NLRP14: variants seen among roughly 807,000 people sequenced by gnomAD.
The protein encoded by NLRP14 is NLR family pyrin domain containing 14, also known as NACHT, LRR and PYD domains-containing protein 14.
A neutral mutation model predicts 94.7 loss-of-function variants in NLRP14; 105 were observed. The ratio of observed to expected loss-of-function variants is 1.11; its 90% CI spans 0.95 to 1.30. The LOEUF is 1.30. NLRP14 is among the 50% of genes most tolerant of loss of function. The pLI is 0.00. For synonymous variants in NLRP14, 508 were observed against 459.9 expected, an observed-to-expected ratio of 1.10 and a Z score of -1.34; for missense variants, 1,362 against 1,254.1, an observed-to-expected ratio of 1.09 and a Z score of -1.30.
intron 4 of NLRP14, among the ~76,000 whole-genome samples, chr11:7,044,204 C>T (rs965778556): frequency 2.0e-5 from 3 of 151,998 alleles, no homozygotes; most frequent in Non-Finnish European, 4.4e-5. Context: ...CTTTTTTTGG[C>T]CTGAAGGCAA....
At chr11:7,074,338 A>C (rs1852846357), downstream of NLRP14, among the ~76,000 whole-genome samples, 1 of 152,208 alleles carries the variant, frequency 6.6e-6, no homozygotes, top group African/African-American at 2.4e-5. Flanking sequence ...ACTGAGGTTG[A>C]TTCCCAGTGA....
At chr11:7,031,959 C>T (rs1852104779) in intron 1 of NLRP14, among the ~76,000 whole-genome samples, 1 of 152,156 alleles carries the variant, frequency 6.6e-6, no homozygotes, top group East Asian at 1.9e-4. Context: ...CTTTAGCACC[C>T]CCACTCCCTC....
chr11:7,047,766 T>TC (rs1461322561), intron 5 of NLRP14, among the ~76,000 whole-genome samples: 8 of 133,454 alleles, frequency 6.0e-5, no homozygotes, highest in Admixed American at 3.6e-4. Context: ...TTCTTTTCTT[T>TC]TCTTTTTTTT....
chr11:7,057,792 G>C lies in NLRP14; in HGVS notation c.2407G>C (p.Val803Leu), dbSNP rs768144879. Residue 803 changes from valine to leucine, a missense_variant, in exon 7 of 12, where the codon GTG becomes CTG. Transcript: ENST00000299481. ...LSTNNLLDDG[V>L]QLLCEALRHP... ...AACCAATAATCTGTTGGATGATGGA[G>C]TGCAGCTTTTGTGTGAGGCCTTAAG... The C allele has an allele frequency of 6.2e-7, 1 of 1,612,246 alleles. No individual in the cohort carries two copies. The highest frequency in any genetic ancestry group is 8.5e-7 in the Non-Finnish European group (1 of 1,178,440).
chr11:7,072,917 C>T (rs1486606397), downstream of NLRP14, among the ~76,000 whole-genome samples: 1 of 152,080 alleles, frequency 6.6e-6, no homozygotes, highest in Non-Finnish European at 1.5e-5. Context: ...CCAGACTTCT[C>T]TGGGGGCCCT....
downstream of NLRP14, among the ~76,000 whole-genome samples, chr11:7,074,416 AC>A (rs1425933743): frequency 6.6e-6 from 1 of 152,334 alleles, no homozygotes; most frequent in Admixed American, 6.5e-5. Context: ...GAAAGTATAC[AC>A]CAAAGTGGTG....
chr11:7,056,650 A>T (rs1389072845), intron 6 of NLRP14, among the ~76,000 whole-genome samples: 1 of 151,722 alleles, frequency 6.6e-6, no homozygotes, highest in East Asian at 1.9e-4. Flanking sequence ...TTTTTCCTTC[A>T]TAAGTGGGAT....
At chr11:7,089,739 C>T in the NLRP14 span, 6 of 1,548,438 alleles carry the variant, frequency 3.9e-6, no homozygotes, top group African/African-American at 1.4e-5. Context: ...CGACCCCTAC[C>T]TGGGCCCGCG....
chr11:7,043,951 A>C lies in NLRP14; in HGVS notation c.1925A>C (p.Lys642Thr), dbSNP rs986250936. 9.9e-6 allele frequency: 16 copies of C among 1,614,066 alleles called. No individual in the cohort carries two copies. Among genetic ancestry groups the C allele is most frequent in the Non-Finnish European group, 1.4e-5 (16 of 1,180,018 alleles). ...TCTGTAACTGTGGTATTTGAGAAGA[A>C]GATATTAAAAACAAGCCTCCCAACT... is the stretch of plus-strand genomic sequence containing the variant. ...RLSVTVVFEK[K>T]ILKTSLPTNT... The change falls in exon 4 of 12, where the codon AAG becomes ACG. Residue 642 changes from lysine (K) to threonine (T), a missense_variant. By Grantham distance (78) the Lys-to-Thr change is moderately conservative (BLOSUM62 -1). Coordinates refer to ENST00000299481, the MANE Select transcript of NLRP14 (RefSeq NM_176822.4).
At chr11:7,026,847 A>G (rs1207626817) in intron 1 of NLRP14, among the ~76,000 whole-genome samples, 3 of 151,246 alleles carry the variant, frequency 2.0e-5, no homozygotes, top group Non-Finnish European at 4.4e-5. Context: ...GCTTTAGGAG[A>G]TATACCTAAT....
intron 1 of NLRP14, among the ~76,000 whole-genome samples, chr11:7,025,330 C>T (rs1393292800): frequency 6.6e-6 from 1 of 152,040 alleles, no homozygotes; most frequent in Non-Finnish European, 1.5e-5. Context: ...TCATCTCTCC[C>T]TAATGTAGTG....
downstream of NLRP14, among the ~76,000 whole-genome samples, chr11:7,073,854 C>T (rs1411662191): frequency 6.6e-6 from 1 of 152,190 alleles, no homozygotes; most frequent in Non-Finnish European, 1.5e-5. Flanking sequence ...AGGGAGCTCT[C>T]TGAATCCCAT....
In NLRP14 at chr11:7,070,642, T is replaced by C. The variant is rs1016764511; in HGVS notation, c.3146+186T>C. On this transcript the variant is annotated intron_variant, in intron 11 of 11. Coordinates refer to ENST00000299481, the MANE Select transcript of NLRP14 (RefSeq NM_176822.4). Reference sequence around the variant, plus strand: ...TACAATATAGCATAGTGGTTAAATATTGAGCACCCTGGAACCAGCCTAGAT... The same window carrying C: ...TACAATATAGCATAGTGGTTAAATACTGAGCACCCTGGAACCAGCCTAGAT... 2.6e-5 allele frequency among the ~76,000 whole-genome samples: 4 copies of C among 152,152 alleles called. No homozygotes were observed. In the East Asian group the frequency reaches 7.7e-4, roughly 29 times the overall value.
At chr11:7,082,137 G>A in the NLRP14 span, among the ~76,000 whole-genome samples, 11 of 152,112 alleles carry the variant, frequency 7.2e-5, no homozygotes, top group African/African-American at 2.7e-4. Context: ...ATATATTTTT[G>A]TTACATCACA....
At chr11:7,069,882 C>T (rs1295692317) in intron 10 of NLRP14, among the ~76,000 whole-genome samples, 1 of 152,172 alleles carries the variant, frequency 6.6e-6, no homozygotes, top group Non-Finnish European at 1.5e-5. Flanking sequence ...CCACCTCAGC[C>T]TCCCAAAGTT....
the NLRP14 span, among the ~76,000 whole-genome samples, chr11:7,087,737 A>C: frequency 2.0e-5 from 3 of 152,212 alleles, no homozygotes; most frequent in Non-Finnish European, 2.9e-5. Context: ...AACAAAGACA[A>C]ATCACTTACT....
chr11:7,057,494 C>G (rs1852532480), intron 6 of NLRP14, among the ~76,000 whole-genome samples, 183 bp from the exon 7 acceptor site: 1 of 152,036 alleles, frequency 6.6e-6, no homozygotes, highest in Non-Finnish European at 1.5e-5. Flanking sequence ...TCCTTCCCTT[C>G]CCTCCTTAAC....
chr11:7,067,508 T>A (rs1307005027), intron 10 of NLRP14, among the ~76,000 whole-genome samples: 2 of 152,194 alleles, frequency 1.3e-5, no homozygotes, highest in Non-Finnish European at 1.5e-5. Flanking sequence ...TTGTCTGTTA[T>A]TGGTGTATAT....
chr11:7,039,336 C>T (rs867903983), intron 2 of NLRP14, among the ~76,000 whole-genome samples: 7 of 148,504 alleles, frequency 4.7e-5, no homozygotes, highest in Middle Eastern at 3.5e-3. Context: ...GAATTCCTTA[C>T]GCGTATACAA....
Sources: gnomAD v4.1 joint callset for allele counts (sites outside exome capture counted in the v4.1 genomes callset) on GRCh38, gnomAD v4.1.1 for gene constraint, MANE v1.5 for transcripts, NCBI Gene and HGNC (gene_info 2026-07-23, HGNC 2026-07-21) for gene names.